The following GALNT13 variants were observed in gnomAD, a reference collection of about 807,000 sequenced individuals.
The protein encoded by GALNT13 is polypeptide N-acetylgalactosaminyltransferase 13.
GALNT13 carries 28 observed loss-of-function variants against 64.2 expected under a neutral mutation model. The observed-to-expected ratio is 0.44, with a 90% confidence interval of 0.32 to 0.60. The LOEUF is 0.60. Ranked by LOEUF, GALNT13 falls within the 20% of genes least tolerant of loss-of-function variation. The probability of loss-of-function intolerance (pLI) is 0.05; values close to 1 mark genes in which losing one functional copy is unlikely to be tolerated. For synonymous variants in GALNT13, 214 were observed against 224.6 expected (o/e 0.95, Z 0.42); for missense variants, 577 against 669.8 (o/e 0.86, Z 1.53).
intron 3 of GALNT13, among the ~76,000 whole-genome samples, chr2:153,993,590 G>A (rs951006399): frequency 4.0e-5 from 6 of 151,076 alleles, no homozygotes; most frequent in Non-Finnish European, 5.9e-5. Flanking sequence ...TCAGCTACTC[G>A]GGAGGCTGAG....
At chr2:153,888,111 G>A (rs1043626110) in intron 1 of GALNT13, among the ~76,000 whole-genome samples, 5 of 151,940 alleles carry the variant, frequency 3.3e-5, no homozygotes, top group African/African-American at 1.2e-4. Flanking sequence ...AGGAGAATAT[G>A]TTTTGAGCAC....
intron 3 of GALNT13, among the ~76,000 whole-genome samples, chr2:153,963,177 C>A (rs1409816135): frequency 6.6e-6 from 1 of 152,170 alleles, no homozygotes; most frequent in Non-Finnish European, 1.5e-5. Context: ...CACTATAAAT[C>A]CTATTAGTAG....
At chr2:153,293,018 G>T in the GALNT13 span, among the ~76,000 whole-genome samples, 1 of 151,766 alleles carries the variant, frequency 6.6e-6, no homozygotes, top group Non-Finnish European at 1.5e-5. Flanking sequence ...TCCCTAATTT[G>T]GTCATACCCT....
chr2:154,008,912 A>G (rs907141259), intron 3 of GALNT13, among the ~76,000 whole-genome samples: 4 of 152,150 alleles, frequency 2.6e-5, no homozygotes, highest in African/African-American at 9.7e-5. Context: ...ATACGAGTGT[A>G]TGTGTTTTTA....
chr2:154,087,356 A>G (rs557301469), intron 3 of GALNT13, among the ~76,000 whole-genome samples: 2 of 152,090 alleles, frequency 1.3e-5, no homozygotes, highest in Non-Finnish European at 2.9e-5. Flanking sequence ...CATTAACCGA[A>G]GACATGTTTG....
chr2:154,267,879 A>C (rs1053150287), intron 8 of GALNT13, among the ~76,000 whole-genome samples: 1 of 152,234 alleles, frequency 6.6e-6, no homozygotes. Context: ...GCAAATAAGC[A>C]ATTGAGTAAA....
At chr2:153,637,676 A>G in the GALNT13 span, among the ~76,000 whole-genome samples, 4 of 152,142 alleles carry the variant, frequency 2.6e-5, no homozygotes, top group Non-Finnish European at 5.9e-5. Flanking sequence ...ACCTGTCAGA[A>G]ATTGTGTGCT....
chr2:153,251,642 C>A, the GALNT13 span, among the ~76,000 whole-genome samples: 3 of 125,650 alleles, frequency 2.4e-5, no homozygotes, highest in South Asian at 3.0e-4. Context: ...CACCACAGTC[C>A]CCAGAGTGTG....
chr2:154,401,634 A>G (rs1699308079), intron 10 of GALNT13, among the ~76,000 whole-genome samples: 1 of 152,172 alleles, frequency 6.6e-6, no homozygotes, highest in African/African-American at 2.4e-5. Flanking sequence ...ATAAACTAAA[A>G]TTCATTCTAA....
At chr2:153,247,272 C>G in the GALNT13 span, among the ~76,000 whole-genome samples, 1 of 152,306 alleles carries the variant, frequency 6.6e-6, no homozygotes, top group African/African-American at 2.4e-5. Context: ...GAAATCAACT[C>G]TGGATCAAGT....
the GALNT13 span, among the ~76,000 whole-genome samples, chr2:153,239,312 T>C: frequency 6.6e-6 from 1 of 152,282 alleles, no homozygotes; most frequent in South Asian, 2.1e-4. Context: ...CCTTTCCAAT[T>C]TGGACGTGCT....
the GALNT13 span, among the ~76,000 whole-genome samples, chr2:153,306,033 T>C: frequency 6.6e-6 from 1 of 152,210 alleles, no homozygotes; most frequent in African/African-American, 2.4e-5. Flanking sequence ...GCATGTGGCA[T>C]GAACGGCTGA....
chr2:153,682,767 C>G, the GALNT13 span, among the ~76,000 whole-genome samples: 27 of 151,758 alleles, frequency 1.8e-4, no homozygotes, highest in African/African-American at 6.0e-4. Flanking sequence ...AAAGTTAAAT[C>G]CTCCTCTTGG....
chr2:153,236,652 T>C, the GALNT13 span, among the ~76,000 whole-genome samples: 5 of 152,080 alleles, frequency 3.3e-5, no homozygotes, highest in Non-Finnish European at 1.5e-5. Flanking sequence ...TGTTGAGACC[T>C]ACTGCTTAGA....
the GALNT13 span, among the ~76,000 whole-genome samples, chr2:153,529,740 A>G: frequency 6.6e-6 from 1 of 152,106 alleles, no homozygotes; most frequent in South Asian, 2.1e-4. Flanking sequence ...GGATGCAAGA[A>G]TAGTTCAACA....
At chr2:153,421,275 G>T in the GALNT13 span, 1 of 191,328 alleles carries the variant, frequency 5.2e-6, no homozygotes. Context: ...TCTGAGAGAA[G>T]CAGTGATGGA....
the GALNT13 span, among the ~76,000 whole-genome samples, chr2:153,553,928 T>C: frequency 6.8e-6 from 1 of 148,122 alleles, no homozygotes; most frequent in Admixed American, 6.8e-5. Flanking sequence ...ATGCTTCTCA[T>C]GTTGGAGGGT....
chr2:154,432,607 A>G (rs1700759818), intron 11 of GALNT13, among the ~76,000 whole-genome samples: 1 of 152,188 alleles, frequency 6.6e-6, no homozygotes, highest in African/African-American at 2.4e-5. Context: ...TCTGAAACCT[A>G]AGGGAGAATC....
the GALNT13 span, among the ~76,000 whole-genome samples, chr2:153,464,761 C>G: frequency 1.3e-5 from 2 of 151,902 alleles, no homozygotes; most frequent in Admixed American, 1.3e-4. Context: ...ACAGACAACT[C>G]GGGTCTTAGG....
Sources: gnomAD v4.1 joint callset for allele counts (sites outside exome capture counted in the v4.1 genomes callset) on GRCh38, gnomAD v4.1.1 for gene constraint, MANE v1.5 for transcripts, NCBI Gene and HGNC (gene_info 2026-07-23, HGNC 2026-07-21) for gene names.